HEATR5A: variants seen among roughly 807,000 people sequenced by gnomAD.
The protein encoded by HEATR5A is HEAT repeat-containing protein 5A.
Under a neutral mutation model 218.8 loss-of-function variants are expected in HEATR5A, and 178 were observed. That is an observed-to-expected ratio of 0.81 (90% CI 0.72 to 0.92). The LOEUF is 0.92. HEATR5A is among the 40% of genes least tolerant of loss of function. The probability of loss-of-function intolerance (pLI) is 0.00; values close to 1 mark genes in which losing one functional copy is unlikely to be tolerated. For synonymous variants in HEATR5A, 864 were observed against 871.6 expected (o/e 0.99, Z 0.15); for missense variants, 2,420 against 2,418.9 (o/e 1.00, Z -0.01).
At chr14:31,355,141 C>T (rs1289398094) in intron 16 of HEATR5A, among the ~76,000 whole-genome samples, 1 of 152,316 alleles carries the variant, frequency 6.6e-6, no homozygotes, top group East Asian at 1.9e-4. Flanking sequence ...AGGCCAGGAG[C>T]AGTAGCTTAC....
At chr14:31,368,960 A>G (rs1901914131) in intron 13 of HEATR5A, among the ~76,000 whole-genome samples, 1 of 152,194 alleles carries the variant, frequency 6.6e-6, no homozygotes, top group Non-Finnish European at 1.5e-5. Flanking sequence ...ATAAAAAACT[A>G]GAAGACATTT....
chr14:31,342,271 C>T lies in HEATR5A; in HGVS notation c.3228+1625G>A, dbSNP rs557405946. Among the ~76,000 whole-genome samples the T allele has an allele frequency of 6.6e-5, 10 of 152,110 alleles. 1 individual carries two copies. Among genetic ancestry groups the T allele is most frequent in the African/African-American group, 1.7e-4 (7 of 41,502 alleles). The stretch of plus-strand genomic sequence containing the variant: ...GGTGTGGTGGTACTTTACTGTAGTC[C>T]GAGCTACTTCGGAGGCTGAAGGGGG... On this transcript the variant is annotated intron_variant, in intron 21 of 35. Transcript: ENST00000543095.
intron 1 of HEATR5A, among the ~76,000 whole-genome samples, chr14:31,407,584 T>TA (rs2031118896): frequency 7.5e-4 from 1 of 1,338 alleles, no homozygotes; most frequent in African/African-American, 9.6e-4. Context: ...CTTATTTTAT[T>TA]TATATATATA....
At position 31,389,949 on chromosome 14, in the gene HEATR5A, C is replaced by A. The variant is rs2030382211; in HGVS notation, c.773-944G>T. Among the ~76,000 whole-genome samples, 3 of 151,904 alleles carry A rather than the reference C, an allele frequency of 2.0e-5. No homozygotes were observed. The South Asian group carries it at 6.2e-4, about 32-fold the overall frequency. On this transcript the variant is annotated intron_variant, in intron 6 of 35. Coordinates refer to ENST00000543095, the MANE Select transcript of HEATR5A (RefSeq NM_015473.4). The stretch of plus-strand genomic sequence containing the variant: ...ATTAAAAACCATGCAGAAAACAGAG[C>A]AAAATGAGGTCAGGAATATGGGGGT...
At chr14:31,385,706 C>T (rs763147908) in intron 9 of HEATR5A, among the ~76,000 whole-genome samples, 2 of 152,036 alleles carry the variant, frequency 1.3e-5, no homozygotes, top group Middle Eastern at 3.4e-3. Flanking sequence ...ACCTTATAAG[C>T]GTAAACTTCA....
Position 31,383,707 on chromosome 14 carries a change from AGCT to A in HEATR5A, c.1407_1409del (p.Ala470del). 6.2e-7 allele frequency: 1 copy of A among 1,613,820 alleles called. No individual in the cohort carries two copies. Among genetic ancestry groups the A allele is most frequent in the Non-Finnish European group, 8.5e-7 (1 of 1,179,726 alleles). On this transcript the variant is annotated inframe_deletion, in exon 10 of 36. Transcript: ENST00000543095. ...CCACGGCAATGCAGTGTAAACACCAAGCTGCTGCTAGTCGAACAGAAATGCTAG... is the reference window on the plus strand; with the variant it reads ...CCACGGCAATGCAGTGTAAACACCAAGCTGCTAGTCGAACAGAAATGCTAG...
At chr14:31,337,348 G>T in intron 22 of HEATR5A, 128 bp downstream of exon 22, 1 of 741,092 alleles carries the variant, frequency 1.3e-6, no homozygotes, top group Non-Finnish European at 2.1e-6. Flanking sequence ...ATAACTGTTA[G>T]CAATTCTTTC....
intron 13 of HEATR5A, among the ~76,000 whole-genome samples, chr14:31,369,279 G>A (rs994417212): frequency 6.6e-6 from 1 of 151,924 alleles, no homozygotes; most frequent in Non-Finnish European, 1.5e-5. Context: ...TCACGCCACT[G>A]CACTCCAGCC....
intron 3 of HEATR5A, among the ~76,000 whole-genome samples, chr14:31,399,529 T>C (rs2030790806): frequency 6.6e-6 from 1 of 152,202 alleles, no homozygotes; most frequent in South Asian, 2.1e-4. Context: ...ACAAAAACTT[T>C]ATAGAATTAT....
intron 34 of HEATR5A, chr14:31,295,621 A>C (rs1899166330): frequency 5.2e-6 from 1 of 190,542 alleles, no homozygotes; most frequent in Admixed American, 5.8e-5. Flanking sequence ...GTATCTTATA[A>C]AAGTCCCTTA....
intron 6 of HEATR5A, 133 bp from the exon 7 acceptor site, chr14:31,389,138 C>G (rs2030350746): frequency 5.3e-6 from 4 of 757,364 alleles, no homozygotes; most frequent in Admixed American, 2.7e-5. Context: ...ATTTACAGAA[C>G]AGTCTACACA....
chr14:31,309,317 C>T, intron 28 of HEATR5A, 135 bp from the exon 29 acceptor site: 1 of 814,724 alleles, frequency 1.2e-6, no homozygotes, highest in African/African-American at 1.7e-5. Context: ...TCCCTATACC[C>T]TAAGGCAACT....
chr14:31,403,271 G>C (rs569296573), intron 1 of HEATR5A, among the ~76,000 whole-genome samples: 2 of 152,140 alleles, frequency 1.3e-5, no homozygotes, highest in East Asian at 1.9e-4. Context: ...AGCAATATTT[G>C]CATTTGTATG....
chr14:31,351,494 GAGAA>G (rs1489092655), intron 16 of HEATR5A, among the ~76,000 whole-genome samples: 1 of 126,410 alleles, frequency 7.9e-6, no homozygotes, highest in Non-Finnish European at 1.7e-5. Flanking sequence ...TCCTGTCTCA[GAGAA>G]AGAAAGAAAG....
intron 17 of HEATR5A, among the ~76,000 whole-genome samples, chr14:31,350,298 G>A (rs775361898): frequency 2.0e-4 from 30 of 152,272 alleles, no homozygotes; most frequent in Non-Finnish European, 3.4e-4. Context: ...ACTGTACATA[G>A]AAACGGTAAG....
chr14:31,322,267 C>T (rs978785720), intron 24 of HEATR5A, among the ~76,000 whole-genome samples: 4 of 152,136 alleles, frequency 2.6e-5, no homozygotes, highest in Admixed American at 2.6e-4. Flanking sequence ...ATAAGAAAAT[C>T]ATTTAACAGA....
chr14:31,405,975 T>G (rs371042276), intron 1 of HEATR5A, among the ~76,000 whole-genome samples: 13 of 152,338 alleles, frequency 8.5e-5, no homozygotes, highest in African/African-American at 3.1e-4. Flanking sequence ...CTAAAGGAAG[T>G]AGACAATTCA....
chr14:31,407,917 C>A, intron 1 of HEATR5A, among the ~76,000 whole-genome samples: 1 of 152,164 alleles, frequency 6.6e-6, no homozygotes, highest in Non-Finnish European at 1.5e-5. Context: ...GGTGAGCCAC[C>A]ATGCCCGGCC....
At chr14:31,417,563 G>A (rs781333844) in intron 1 of HEATR5A, among the ~76,000 whole-genome samples, 2 of 151,230 alleles carry the variant, frequency 1.3e-5, no homozygotes, top group African/African-American at 2.4e-5. Flanking sequence ...TAGCCTGGGT[G>A]ACAGAACAAG....
Sources: gnomAD v4.1 joint callset for allele counts (sites outside exome capture counted in the v4.1 genomes callset) on GRCh38, gnomAD v4.1.1 for gene constraint, MANE v1.5 for transcripts, NCBI Gene and HGNC (gene_info 2026-07-23, HGNC 2026-07-21) for gene names.